Variants in MARCHF1 observed in about 807,000 individuals in gnomAD.
The protein encoded by MARCHF1 is E3 ubiquitin-protein ligase MARCHF1.
In MARCHF1, 40 loss-of-function variants were observed where a neutral mutation model predicts 54.2. The ratio of observed to expected loss-of-function variants is 0.74; its 90% CI spans 0.57 to 0.96. MARCHF1 has a LOEUF of 0.96. Among genes scored for constraint, MARCHF1 ranks in the 40% least tolerant of loss-of-function variants. MARCHF1 has a pLI of 0.00. For missense variants in MARCHF1, 586 were observed against 656.5 expected, an observed-to-expected ratio of 0.89 and a Z score of 1.17; for synonymous variants, 236 against 236.3, an observed-to-expected ratio of 1.00 and a Z score of 0.01.
At chr4:163,854,294 G>T in intron 3 of MARCHF1, 125 bp from the exon 4 acceptor site, 1 of 659,288 alleles carries the variant, frequency 1.5e-6, no homozygotes, top group Non-Finnish European at 2.4e-6. Flanking sequence ...AAAAAAACCA[G>T]GGGTTACAAG....
chr4:164,078,136 G>A (rs570927232), intron 2 of MARCHF1, among the ~76,000 whole-genome samples: 38 of 152,238 alleles, frequency 2.5e-4, no homozygotes, highest in African/African-American at 8.7e-4. Flanking sequence ...CAATCTAAAC[G>A]CCCATCAGTG....
rs116278775 is a variant in MARCHF1 at position 163,563,671 on chromosome 4, G to A, written c.1192-17928C>T. On this transcript the variant is annotated intron_variant, in intron 8 of 9. Coordinates refer to ENST00000514618, the MANE Select transcript of MARCHF1 (RefSeq NM_001394959.1). The stretch of plus-strand genomic sequence containing the variant: ...ATTTATTTAGTCTGTCTAAGCCTCA[G>A]TTTTCTCATTTGTGACACTATGATA... 2.1e-3 allele frequency among the ~76,000 whole-genome samples: 318 copies of A among 152,290 alleles called. 1 individual carries two copies. Among genetic ancestry groups the A allele is most frequent in the Non-Finnish European group, 3.7e-3 (251 of 68,030 alleles).
At chr4:164,119,058 A>G (rs6823926) in intron 1 of MARCHF1, among the ~76,000 whole-genome samples, 6,868 of 151,644 alleles carry the variant, frequency 0.045, 213 homozygotes, top group Middle Eastern at 0.14. Context: ...GTTTTTGCAT[A>G]CCAAAAATGG....
chr4:164,058,438 G>A (rs536697832), intron 2 of MARCHF1, among the ~76,000 whole-genome samples: 1 of 152,242 alleles, frequency 6.6e-6, no homozygotes, highest in Non-Finnish European at 1.5e-5. Flanking sequence ...CTGGCTTTAG[G>A]GATTGTGACC....
chr4:163,580,964 G>A lies in MARCHF1; in HGVS notation c.1191+4785C>T, dbSNP rs564217946. Among the ~76,000 whole-genome samples the A allele has an allele frequency of 1.4e-3, 144 of 105,386 alleles. 43 individuals are homozygous for A. Among genetic ancestry groups the A allele is most frequent in the Non-Finnish European group, 2.1e-3 (108 of 50,314 alleles). 69.1% of individuals were successfully genotyped at this position (105,386 alleles called of 152,430 possible). ...ACTACAGGCGCCCGCCACCGCGCCCGGCTAATTTTTTGTATTTTTAGTAGA... is the reference window on the plus strand; with the variant it reads ...ACTACAGGCGCCCGCCACCGCGCCCAGCTAATTTTTTGTATTTTTAGTAGA... On this transcript the variant is annotated intron_variant, in intron 8 of 9. Transcript: ENST00000514618.
intron 5 of MARCHF1, among the ~76,000 whole-genome samples, chr4:163,628,369 A>C (rs1741947295): frequency 6.6e-6 from 1 of 152,240 alleles, no homozygotes; most frequent in Non-Finnish European, 1.5e-5. Context: ...AAAATCTCTC[A>C]ATAAACTAGG....
chr4:164,145,261 C>T (rs1322568745), intron 1 of MARCHF1, among the ~76,000 whole-genome samples: 1 of 152,172 alleles, frequency 6.6e-6, no homozygotes, highest in Non-Finnish European at 1.5e-5. Flanking sequence ...GAACTGGTAC[C>T]ATTCCTTCTG....
chr4:163,885,721 G>A (rs1425460507), intron 3 of MARCHF1, among the ~76,000 whole-genome samples: 1 of 151,668 alleles, frequency 6.6e-6, no homozygotes, highest in Non-Finnish European at 1.5e-5. Flanking sequence ...TTTTTATAAT[G>A]TACACAATAT....
chr4:164,109,568 T>C (rs1220141303), intron 2 of MARCHF1, among the ~76,000 whole-genome samples: 1 of 151,764 alleles, frequency 6.6e-6, no homozygotes, highest in Non-Finnish European at 1.5e-5. Context: ...TTACTGAAAA[T>C]TCTTCATCAT....
intron 2 of MARCHF1, among the ~76,000 whole-genome samples, chr4:164,054,090 C>G (rs1231664664): frequency 2.0e-5 from 3 of 151,422 alleles, no homozygotes; most frequent in African/African-American, 7.3e-5. Flanking sequence ...AAAAAACAAA[C>G]AACCCCATCA....
intron 5 of MARCHF1, among the ~76,000 whole-genome samples, chr4:163,625,224 C>T (rs1741827222): frequency 6.6e-6 from 1 of 152,164 alleles, no homozygotes; most frequent in South Asian, 2.1e-4. Flanking sequence ...GCTTTATGTA[C>T]ACCCATTTTT....
intron 3 of MARCHF1, among the ~76,000 whole-genome samples, chr4:163,900,812 C>T (rs1320246652): frequency 6.6e-6 from 1 of 152,000 alleles, no homozygotes; most frequent in African/African-American, 2.4e-5. Context: ...CTAGTTCTTA[C>T]AGTACTTTCA....
chr4:164,120,764 TA>T (rs1274975388), intron 1 of MARCHF1, among the ~76,000 whole-genome samples: 1 of 151,920 alleles, frequency 6.6e-6, no homozygotes, highest in Non-Finnish European at 1.5e-5. Flanking sequence ...AAGAAGGAAA[TA>T]AAACATTTTC....
intron 5 of MARCHF1, among the ~76,000 whole-genome samples, chr4:163,645,268 A>C (rs924033806): frequency 6.6e-6 from 1 of 152,174 alleles, no homozygotes; most frequent in African/African-American, 2.4e-5. Context: ...TGCCAACAAC[A>C]GACCCCATTG....
intron 1 of MARCHF1, among the ~76,000 whole-genome samples, chr4:164,380,610 G>A (rs1052716646): frequency 3.3e-5 from 5 of 152,084 alleles, no homozygotes; most frequent in Admixed American, 2.0e-4. Flanking sequence ...AGGGATAATC[G>A]TGGCTTCAGA....
chr4:164,380,144 G>A (rs1254986452), intron 1 of MARCHF1, among the ~76,000 whole-genome samples: 1 of 152,036 alleles, frequency 6.6e-6, no homozygotes, highest in Non-Finnish European at 1.5e-5. Flanking sequence ...AATTATAAGT[G>A]CATTGACAAG....
At chr4:163,594,014 C>T (rs1026319118) in intron 7 of MARCHF1, among the ~76,000 whole-genome samples, 2 of 152,154 alleles carry the variant, frequency 1.3e-5, no homozygotes, top group Non-Finnish European at 2.9e-5. Flanking sequence ...ACAGTTTATG[C>T]ATCAGACAAC....
At chr4:164,126,371 T>C (rs1446610898) in intron 1 of MARCHF1, among the ~76,000 whole-genome samples, 1 of 152,194 alleles carries the variant, frequency 6.6e-6, no homozygotes, top group Non-Finnish European at 1.5e-5. Flanking sequence ...AATCTTCCAG[T>C]GCTCAATATT....
At chr4:163,985,926 CT>C (rs1291115972) in intron 3 of MARCHF1, among the ~76,000 whole-genome samples, 2 of 152,218 alleles carry the variant, frequency 1.3e-5, no homozygotes, top group East Asian at 3.9e-4. Context: ...AGCATCGCCA[CT>C]TGAAATTACA....
Sources: allele counts gnomAD v4.1 joint callset (sites outside exome capture counted in the v4.1 genomes callset), GRCh38; gene constraint gnomAD v4.1.1; transcripts MANE v1.5; gene names NCBI Gene and HGNC (gene_info 2026-07-23, HGNC 2026-07-21).